PDE9A: variants seen among roughly 807,000 people sequenced by gnomAD.
PDE9A encodes the protein phosphodiesterase 9A.
A neutral mutation model predicts 87.4 loss-of-function variants in PDE9A; 60 were observed. The observed-to-expected ratio is 0.69, with a 90% confidence interval of 0.56 to 0.85. PDE9A has a LOEUF of 0.85. Ranked by LOEUF, PDE9A falls within the 40% of genes least tolerant of loss-of-function variation. PDE9A has a pLI of 0.00. For missense variants in PDE9A, 665 were observed against 779.0 expected (o/e 0.85, Z 1.74); for synonymous variants, 272 against 279.4 (o/e 0.97, Z 0.27).
At chr21:42,668,621 T>A (rs1317938094) in intron 1 of PDE9A, among the ~76,000 whole-genome samples, 1 of 152,180 alleles carries the variant, frequency 6.6e-6, no homozygotes, top group African/African-American at 2.4e-5. Flanking sequence ...GAGATTGGCC[T>A]CAGACACTAG....
intron 4 of PDE9A, among the ~76,000 whole-genome samples, chr21:42,706,895 G>A (rs1213480116): frequency 6.6e-6 from 1 of 152,054 alleles, no homozygotes; most frequent in African/African-American, 2.4e-5. Context: ...TGCACACGGT[G>A]TTGCAGGCTC....
At chr21:42,714,949 C>G (rs370098882) in intron 4 of PDE9A, among the ~76,000 whole-genome samples, 4 of 145,582 alleles carry the variant, frequency 2.7e-5, no homozygotes, top group Non-Finnish European at 4.5e-5. Context: ...TGTCTTTGTT[C>G]ATATGGTTGG....
chr21:42,762,466 C>T (rs1215154212), intron 14 of PDE9A, among the ~76,000 whole-genome samples: 10 of 152,226 alleles, frequency 6.6e-5, no homozygotes, highest in African/African-American at 2.4e-4. Flanking sequence ...CTGCACTTCC[C>T]AGCCTGTATT....
intron 1 of PDE9A, among the ~76,000 whole-genome samples, chr21:42,661,611 C>T (rs941062164): frequency 6.6e-6 from 1 of 152,152 alleles, no homozygotes; most frequent in Non-Finnish European, 1.5e-5. Flanking sequence ...GTGCGTGGAC[C>T]ACATTTTGTG....
intron 1 of PDE9A, among the ~76,000 whole-genome samples, chr21:42,673,382 C>G (rs970592645): frequency 6.6e-6 from 1 of 152,176 alleles, no homozygotes; most frequent in Admixed American, 6.5e-5. Flanking sequence ...ACAGAGCCAG[C>G]TAGGAGCATT....
intron 1 of PDE9A, among the ~76,000 whole-genome samples, chr21:42,672,234 T>C (rs2058601070): frequency 6.6e-6 from 1 of 152,214 alleles, no homozygotes; most frequent in South Asian, 2.1e-4. Flanking sequence ...AGACCACAGC[T>C]GAAGGTCTGA....
At chr21:42,736,671 A>G (rs2052484211) in intron 7 of PDE9A, among the ~76,000 whole-genome samples, 1 of 152,302 alleles carries the variant, frequency 6.6e-6, no homozygotes, top group East Asian at 1.9e-4. Flanking sequence ...AGAAGGAGGA[A>G]CAGTCTAGGA....
chr21:42,701,504 A>G (rs987975268), intron 4 of PDE9A, among the ~76,000 whole-genome samples: 1 of 151,592 alleles, frequency 6.6e-6, no homozygotes, highest in African/African-American at 2.4e-5. Flanking sequence ...TGATGCGGTC[A>G]TAGCTCACGA....
At position 42,696,770 on chromosome 21, in the gene PDE9A, G is replaced by A. The variant is rs2060163023; in HGVS notation, c.219-2198G>A. Among the ~76,000 whole-genome samples, 1 of 152,186 alleles carries A rather than the reference G, an allele frequency of 6.6e-6. No homozygotes were observed. On this transcript the variant is annotated intron_variant, in intron 3 of 19. Transcript: ENST00000291539. This position sits in a 1 kb window ranked among gnomAD's most constrained non-coding sequence, Gnocchi z 5.1. ...TCTTCACGCCTTGGGCTCTGGGTCT[G>A]TAAGGCAGTGAGGCTGAGGTTCCTG... is the stretch of plus-strand genomic sequence containing the variant.
Position 42,739,717 on chromosome 21 carries a change from G to A in PDE9A, c.569-4059G>A, listed in dbSNP as rs371252129. 3.4e-4 allele frequency among the ~76,000 whole-genome samples: 51 copies of A among 152,092 alleles called. 1 individual carries two copies. In the South Asian group the frequency reaches 9.6e-3, roughly 29 times the overall value. On this transcript the variant is annotated intron_variant, in intron 7 of 19. Transcript: ENST00000291539. The surrounding 1 kb of genome is among the most constrained non-coding windows in gnomAD (Gnocchi z 4.1). ...ATAGGTAGCCAGGGAAGCGGATCTCGGTGGACTCTGCACTGTCAATACAAA... is the reference window on the plus strand; with the variant it reads ...ATAGGTAGCCAGGGAAGCGGATCTCAGTGGACTCTGCACTGTCAATACAAA...
chr21:42,748,902 G>A (rs1446768957), intron 8 of PDE9A, among the ~76,000 whole-genome samples: 1 of 152,150 alleles, frequency 6.6e-6, no homozygotes, highest in Non-Finnish European at 1.5e-5. Flanking sequence ...TACATACTGT[G>A]CATAGCATTC....
At chr21:42,686,329 G>T in intron 2 of PDE9A, 67 bp downstream of exon 2, 1 of 1,329,610 alleles carries the variant, frequency 7.5e-7, no homozygotes, top group Non-Finnish European at 1.1e-6. Flanking sequence ...GGGATGGCTG[G>T]GAGGGGCGGG....
chr21:42,661,787 G>C (rs1020314753), intron 1 of PDE9A, among the ~76,000 whole-genome samples: 1 of 152,206 alleles, frequency 6.6e-6, no homozygotes, highest in Non-Finnish European at 1.5e-5. Context: ...TCCACGTCTT[G>C]AGTCATGGCT....
intron 8 of PDE9A, among the ~76,000 whole-genome samples, chr21:42,749,396 G>A (rs886505980): frequency 2.6e-5 from 4 of 152,156 alleles, no homozygotes; most frequent in African/African-American, 9.7e-5. Context: ...CCCATAGGGT[G>A]TGAACCCAGA....
In PDE9A at chr21:42,692,999, C is replaced by T. The variant is rs1892009564; in HGVS notation, c.218+5005C>T. 6.6e-6 allele frequency among the ~76,000 whole-genome samples: 1 copy of T among 152,336 alleles called. No individual in the cohort carries two copies. Among genetic ancestry groups the T allele is most frequent in the South Asian group, 2.1e-4 (1 of 4,824 alleles). On this transcript the variant is annotated intron_variant, in intron 3 of 19. Coordinates refer to ENST00000291539, the MANE Select transcript of PDE9A (RefSeq NM_002606.3). This position sits in a 1 kb window ranked among gnomAD's most constrained non-coding sequence, Gnocchi z 4.3. Reference sequence around the variant, plus strand: ...GGAGGGAGCCGGCATCCTTTGCTGACTTTCTTGCTGTGACTATGGTGCTGC... The same window carrying T: ...GGAGGGAGCCGGCATCCTTTGCTGATTTTCTTGCTGTGACTATGGTGCTGC...
rs976152232 is a variant in PDE9A at position 42,705,822 on chromosome 21, C to A, written c.262+6811C>A. Among the ~76,000 whole-genome samples, 3 of 152,074 alleles carry A rather than the reference C, an allele frequency of 2.0e-5. No homozygotes were observed. The highest frequency in any genetic ancestry group is 4.4e-5 in the Non-Finnish European group (3 of 68,002). The stretch of plus-strand genomic sequence containing the variant: ...CCCACATTCCTGCCTGCCCTAGGAC[C>A]CAGGACCTGTCTCTAGTCACACACA... On this transcript the variant is annotated intron_variant, in intron 4 of 19. Coordinates refer to ENST00000291539, the MANE Select transcript of PDE9A (RefSeq NM_002606.3). This position sits in a 1 kb window ranked among gnomAD's most constrained non-coding sequence, Gnocchi z 4.3.
At chr21:42,684,035 ACAT>A (rs1200857119) in intron 1 of PDE9A, among the ~76,000 whole-genome samples, 1 of 152,228 alleles carries the variant, frequency 6.6e-6, no homozygotes, top group Non-Finnish European at 1.5e-5. Context: ...CTGTAGAAAC[ACAT>A]CTTTGAGCAG....
chr21:42,770,613 C>A (rs372564222), intron 17 of PDE9A, 90 bp from the exon 18 acceptor site: 3 of 969,488 alleles, frequency 3.1e-6, no homozygotes, highest in East Asian at 2.5e-5. Context: ...CAGAGGTTTC[C>A]GCACGGAGCA....
chr21:42,749,357 G>A (rs1275715443), intron 8 of PDE9A, among the ~76,000 whole-genome samples: 1 of 152,140 alleles, frequency 6.6e-6, no homozygotes, highest in East Asian at 1.9e-4. Context: ...AGTACACAGG[G>A]AGCCTGTTCA....
Sources: allele counts gnomAD v4.1 joint callset (sites outside exome capture counted in the v4.1 genomes callset), GRCh38; gene constraint gnomAD v4.1.1; non-coding constraint Gnocchi (gnomAD v3.1); transcripts MANE v1.5; gene names NCBI Gene and HGNC (gene_info 2026-07-23, HGNC 2026-07-21).